Variants in TNRC6B observed in about 807,000 individuals in gnomAD.
The protein encoded by TNRC6B is trinucleotide repeat-containing gene 6B protein.
TNRC6B carries 52 observed loss-of-function variants against 203.6 expected under a neutral mutation model. That is an observed-to-expected ratio of 0.26 (90% CI 0.20 to 0.32). The LOEUF (loss-of-function observed/expected upper bound fraction) is 0.32. Ranked by LOEUF, TNRC6B falls within the 10% of genes least tolerant of loss-of-function variation. The pLI, the probability that TNRC6B is intolerant of heterozygous loss-of-function variation, is 1.00. For missense variants in TNRC6B, 1,923 were observed against 2,286.2 expected (o/e 0.84, Z 3.24); for synonymous variants, 838 against 845.7 (o/e 0.99, Z 0.16).
intron 1 of TNRC6B, among the ~76,000 whole-genome samples, chr22:40,198,642 G>C (rs1208206774): frequency 1.4e-4 from 22 of 152,064 alleles, no homozygotes; most frequent in Non-Finnish European, 2.9e-5. Context: ...TCTCACTGTT[G>C]AAGAACATTA....
Position 40,177,957 on chromosome 22 carries a change from A to T in TNRC6B, c.-179A>T. ...GAGAGGGAGAGAGAGAGCAAGAGGG[A>T]GAGTGTGTGAGAGAGAGTTAGTTCA... On this transcript the variant is annotated 5_prime_UTR_variant, in exon 1 of 23. Transcript: ENST00000454349. 1 of 1,420,654 alleles carries T rather than the reference A, an allele frequency of 7.0e-7. No homozygotes were observed. Among genetic ancestry groups the T allele is most frequent in the East Asian group, 2.6e-5 (1 of 38,898 alleles). 88.0% of individuals were successfully genotyped at this position (1,420,654 alleles called of 1,614,324 possible).
intron 1 of TNRC6B, among the ~76,000 whole-genome samples, chr22:40,050,929 ATTC>A (rs1389466898): frequency 2.0e-5 from 3 of 151,776 alleles, no homozygotes; most frequent in Non-Finnish European, 4.4e-5. Context: ...GGTTCAAGCA[ATTC>A]TTCTGCCTCA....
At position 40,321,347 on chromosome 22, in the gene TNRC6B, C is replaced by T. The variant is rs554518825; in HGVS notation, c.5114+118C>T. The T allele has an allele frequency of 4.8e-5, 58 of 1,195,922 alleles. No homozygotes were observed. In the East Asian group the frequency reaches 1.4e-3, roughly 29 times the overall value. 74.1% of individuals were successfully genotyped at this position (1,195,922 alleles called of 1,614,324 possible). A position where few individuals can be genotyped will look rare whatever the true frequency, so the allele number is the denominator to read the frequency against. ...ACATATACGAAGAATGGCACCGTCA[C>T]ACGTGCATCTGCAAGTCTCGAGTGT... On this transcript the variant is annotated intron_variant, in intron 22 of 22. Transcript: ENST00000454349.
chr22:40,182,654 G>C (rs560116357), intron 1 of TNRC6B, among the ~76,000 whole-genome samples: 149 of 152,322 alleles, frequency 9.8e-4, no homozygotes, highest in Non-Finnish European at 1.5e-3. Flanking sequence ...TTTGGTTCAT[G>C]TGGAAATACT....
chr22:40,088,699 C>A (rs955733350), intron 1 of TNRC6B, among the ~76,000 whole-genome samples: 5 of 151,592 alleles, frequency 3.3e-5, no homozygotes, highest in Admixed American at 2.6e-4. Context: ...AGGTGATCCA[C>A]CCACCTTGGC....
intron 12 of TNRC6B, among the ~76,000 whole-genome samples, chr22:40,299,158 C>CAAAAAAAAA (rs796432826): frequency 2.9e-5 from 3 of 103,070 alleles, no homozygotes; most frequent in Admixed American, 9.5e-5. Context: ...AAAAAAAAAA[C>CAAAAAAAAA]AAAAAAAAAA....
At chr22:40,229,423 C>G (rs999715609) in intron 1 of TNRC6B, among the ~76,000 whole-genome samples, 1 of 151,846 alleles carries the variant, frequency 6.6e-6, no homozygotes, top group Non-Finnish European at 1.5e-5. Context: ...ATGGGCCATT[C>G]CAGGTATCCC....
chr22:40,070,367 T>C (rs2146279613), intron 1 of TNRC6B, among the ~76,000 whole-genome samples: 1 of 152,342 alleles, frequency 6.6e-6, no homozygotes, highest in African/African-American at 2.4e-5. Flanking sequence ...TTGAAATTAA[T>C]GTTCTTTGAT....
rs1569045407 is a variant in TNRC6B at position 40,266,336 on chromosome 22, GAAC to G, written c.2113_2115del (p.Asn705del). 3.0e-5 allele frequency: 48 copies of G among 1,606,016 alleles called. No homozygotes were observed. The highest frequency in any genetic ancestry group is 4.0e-5 in the Non-Finnish European group (47 of 1,176,044). On this transcript the variant is annotated inframe_deletion, in exon 5 of 23. Transcript: ENST00000454349. ...ACACAGGAGGCTGGAATGACTACAA[GAAC>G]AACAACTCTTCCAACTGGGGAGGAG...
intron 1 of TNRC6B, among the ~76,000 whole-genome samples, chr22:40,200,918 T>C (rs2069404099): frequency 6.6e-6 from 1 of 152,290 alleles, no homozygotes; most frequent in South Asian, 2.1e-4. Context: ...TCTATATTCG[T>C]ATCCCAGCCC....
intron 1 of TNRC6B, among the ~76,000 whole-genome samples, chr22:40,235,659 G>A (rs188412727): frequency 1.3e-5 from 2 of 152,254 alleles, no homozygotes; most frequent in African/African-American, 4.8e-5. Flanking sequence ...AAAATTCCTG[G>A]GAAAAGAATT....
At chr22:40,311,834 C>T (rs763988937) in intron 17 of TNRC6B, among the ~76,000 whole-genome samples, 10 of 152,214 alleles carry the variant, frequency 6.6e-5, no homozygotes, top group Non-Finnish European at 8.8e-5. Flanking sequence ...TGAGCCACCA[C>T]GCCCGGCCAA....
At chr22:40,156,674 T>C (rs1165746883) in intron 4 of TNRC6B, among the ~76,000 whole-genome samples, 2 of 152,026 alleles carry the variant, frequency 1.3e-5, no homozygotes, top group Non-Finnish European at 2.9e-5. Context: ...ACAGGAATTA[T>C]AAATAATATA....
rs997150881 is a variant in TNRC6B, at chr22:40,325,958, G to A, written c.*2717G>A. 1 of 151,814 alleles carries A rather than the reference G, an allele frequency of 6.6e-6. No individual in the cohort carries two copies. The highest frequency in any genetic ancestry group is 2.4e-5 in the African/African-American group (1 of 41,128). The allele number at this position is 151,814 out of a possible 1,614,324, so 9.4% of individuals were successfully genotyped here. A position where few individuals can be genotyped will look rare whatever the true frequency, so the allele number is the denominator to read the frequency against. ...AGACATAATGAGGGATTTGAAATAT[G>A]TAAAAATAAACATGAGAAGCTAAAA... is the stretch of plus-strand genomic sequence containing the variant. On this transcript the variant is annotated 3_prime_UTR_variant, in exon 23 of 23. Transcript: ENST00000454349.
intron 1 of TNRC6B, among the ~76,000 whole-genome samples, chr22:40,195,792 C>CGGAA (rs1190798177): frequency 1.3e-5 from 2 of 151,984 alleles, no homozygotes; most frequent in Non-Finnish European, 1.5e-5. Flanking sequence ...TTTTTTGAGA[C>CGGAA]GGAGTCTCGC....
intron 1 of TNRC6B, among the ~76,000 whole-genome samples, chr22:40,190,887 T>C (rs562688885): frequency 6.6e-6 from 1 of 152,350 alleles, no homozygotes; most frequent in South Asian, 2.1e-4. Flanking sequence ...AAGATGTGTT[T>C]ACTGCATCAG....
At chr22:40,300,708 C>G (rs1266629969) in intron 13 of TNRC6B, 122 bp downstream of exon 13, 6 of 1,348,226 alleles carry the variant, frequency 4.5e-6, no homozygotes, top group Non-Finnish European at 6.0e-6. Flanking sequence ...GTCCACACTT[C>G]TTTGCAAACT....
intron 1 of TNRC6B, among the ~76,000 whole-genome samples, chr22:40,091,334 C>T (rs2068149341): frequency 6.6e-6 from 1 of 152,066 alleles, no homozygotes; most frequent in South Asian, 2.1e-4. Flanking sequence ...ACAAACAGAT[C>T]TGGCTTCTAG....
At position 40,334,556 on chromosome 22, in the gene TNRC6B, G is replaced by T. The variant is rs1205476092; in HGVS notation, c.*11315G>T. On this transcript the variant is annotated 3_prime_UTR_variant, in exon 23 of 23. Coordinates refer to ENST00000454349, the MANE Select transcript of TNRC6B (RefSeq NM_001162501.2). ...ACAGACAACAAAAGCAACCTGAGGA[G>T]AGGTTTCTGGACTATTTTATCTGTC... 1.3e-5 allele frequency: 2 copies of T among 152,548 alleles called. No individual in the cohort carries two copies. Among genetic ancestry groups the T allele is most frequent in the Admixed American group, 1.3e-4 (2 of 15,272 alleles). The allele number at this position is 152,548 out of a possible 1,614,324, so 9.4% of individuals were successfully genotyped here.
Sources: allele counts gnomAD v4.1 joint callset (sites outside exome capture counted in the v4.1 genomes callset), GRCh38; gene constraint gnomAD v4.1.1; transcripts MANE v1.5; gene names NCBI Gene and HGNC (gene_info 2026-07-23, HGNC 2026-07-21).